The following CRB1 variants were observed in gnomAD, a reference collection of about 807,000 sequenced individuals.
CRB1 encodes the protein protein crumbs homolog 1.
Under a neutral mutation model 120.0 loss-of-function variants are expected in CRB1, and 83 were observed. The ratio of observed to expected loss-of-function variants is 0.69; its 90% CI spans 0.58 to 0.83. CRB1 has a LOEUF of 0.83. Among genes scored for constraint, CRB1 ranks in the 40% least tolerant of loss-of-function variants. The probability of loss-of-function intolerance (pLI) is 0.00; values close to 1 mark genes in which losing one functional copy is unlikely to be tolerated. For missense variants in CRB1, 1,699 were observed against 1,687.6 expected, an observed-to-expected ratio of 1.01 and a Z score of -0.12; for synonymous variants, 625 against 612.5, an observed-to-expected ratio of 1.02 and a Z score of -0.30.
At chr1:197,223,018 C>T in the CRB1 span, 1 of 790,262 alleles carries the variant, frequency 1.3e-6, no homozygotes, top group Non-Finnish European at 2.3e-6. Context: ...AGTCATTTGA[C>T]ACCTCCCTTA....
chr1:197,274,545 G>A (rs145552949), intron 1 of CRB1, among the ~76,000 whole-genome samples: 1 of 152,116 alleles, frequency 6.6e-6, no homozygotes, highest in Non-Finnish European at 1.5e-5. Context: ...CACCATTAAA[G>A]TATTATGCAG....
chr1:197,446,533 G>A (rs1029837724), intron 11 of CRB1, among the ~76,000 whole-genome samples: 3 of 152,278 alleles, frequency 2.0e-5, no homozygotes, highest in Middle Eastern at 6.8e-3. Context: ...CATCATAAGA[G>A]AAATGGAGAA....
chr1:197,353,111 A>G (rs1418018835), intron 4 of CRB1, among the ~76,000 whole-genome samples: 2 of 152,242 alleles, frequency 1.3e-5, no homozygotes, highest in Non-Finnish European at 2.9e-5. Context: ...TAAAATTACA[A>G]TGAGAGCAAT....
At chr1:197,299,256 A>G (rs1558037995) in intron 1 of CRB1, among the ~76,000 whole-genome samples, 1 of 152,184 alleles carries the variant, frequency 6.6e-6, no homozygotes, top group African/African-American at 2.4e-5. Context: ...AATGCAGTCC[A>G]TCTCACTAGT....
At chr1:197,351,647 T>A (rs1203930751) in intron 4 of CRB1, among the ~76,000 whole-genome samples, 2 of 152,090 alleles carry the variant, frequency 1.3e-5, no homozygotes, top group Non-Finnish European at 2.9e-5. Context: ...GGCAGGGAAA[T>A]CTAGTGAGTA....
At chr1:197,295,032 G>T (rs1413975284) in intron 1 of CRB1, among the ~76,000 whole-genome samples, 2 of 152,066 alleles carry the variant, frequency 1.3e-5, no homozygotes, top group East Asian at 3.9e-4. Context: ...TTGTGCACAT[G>T]TACCCTAGAA....
At chr1:197,405,805 T>C (rs1312662708) in intron 5 of CRB1, among the ~76,000 whole-genome samples, 1 of 147,956 alleles carries the variant, frequency 6.8e-6, no homozygotes, top group Non-Finnish European at 1.5e-5. Context: ...GCCCGGTAGC[T>C]GCCCCGTCTG....
chr1:197,314,859 A>G (rs1558047859), intron 1 of CRB1, among the ~76,000 whole-genome samples: 1 of 152,158 alleles, frequency 6.6e-6, no homozygotes. Flanking sequence ...TCAATCTCTC[A>G]GCAGATGATA....
chr1:197,337,271 T>TA lies in CRB1; in HGVS notation c.653-7009dup, dbSNP rs373156829. On this transcript the variant is annotated intron_variant, in intron 2 of 11. Transcript: ENST00000367400. ...TCTGACATGTGACTGCTATTTCTCCTAGTGCCTACCTAGTTATCAGCAGGG... is the reference window on the plus strand; with the variant it reads ...TCTGACATGTGACTGCTATTTCTCCTAAGTGCCTACCTAGTTATCAGCAGGG... Among the ~76,000 whole-genome samples the TA allele has an allele frequency of 6.1e-4, 93 of 152,322 alleles. No homozygotes were observed. The East Asian group carries it at 0.017, about 28-fold the overall frequency.
At chr1:197,244,301 A>C in the CRB1 span, among the ~76,000 whole-genome samples, 1 of 152,118 alleles carries the variant, frequency 6.6e-6, no homozygotes, top group African/African-American at 2.4e-5. Flanking sequence ...ATGTTTTTGC[A>C]GTGGCTGGTA....
chr1:197,329,122 G>A (rs1287205803), intron 2 of CRB1, 119 bp downstream of exon 2: 4 of 874,892 alleles, frequency 4.6e-6, no homozygotes, highest in Admixed American at 2.0e-5. Context: ...GTTCTTGACA[G>A]GAATCAATCA....
chr1:197,278,127 G>A (rs1477982729), intron 1 of CRB1, among the ~76,000 whole-genome samples: 1 of 151,854 alleles, frequency 6.6e-6, no homozygotes, highest in Non-Finnish European at 1.5e-5. Flanking sequence ...TATGTATATT[G>A]AAGCCCTAAT....
At chr1:197,477,498 T>A in intron 11 of CRB1, 166 bp from the exon 12 acceptor site, 1 of 719,462 alleles carries the variant, frequency 1.4e-6, no homozygotes, top group Non-Finnish European at 2.6e-6. Flanking sequence ...TGTAAATGAT[T>A]TGAGAATAAG....
chr1:197,274,038 T>A (rs1655052846), intron 1 of CRB1, among the ~76,000 whole-genome samples: 1 of 152,024 alleles, frequency 6.6e-6, no homozygotes, highest in Non-Finnish European at 1.5e-5. Context: ...TTTCTATAGA[T>A]ATCTCTATAT....
Position 197,390,690 on chromosome 1 carries a change from C to A in CRB1, c.1172-30310C>A, listed in dbSNP as rs568014680. ...ATTTTAAACCAGAGTAAATATAATACAAAAAAATTTTAAAGACGTGAATTT... is the reference window on the plus strand; with the variant it reads ...ATTTTAAACCAGAGTAAATATAATAAAAAAAAATTTTAAAGACGTGAATTT... On this transcript the variant is annotated intron_variant, in intron 5 of 11. Transcript: ENST00000367400. Among the ~76,000 whole-genome samples, 54 of 151,994 alleles carry A rather than the reference C, an allele frequency of 3.6e-4. No homozygotes were observed. The South Asian group carries it at 3.7e-3, about 11-fold the overall frequency.
the CRB1 span, among the ~76,000 whole-genome samples, chr1:197,219,951 T>A: frequency 6.6e-6 from 1 of 152,226 alleles, no homozygotes; most frequent in Non-Finnish European, 1.5e-5. Context: ...TTAGGGAAGC[T>A]TTTGCTAACT....
At chr1:197,426,303 T>G (rs1664579055) in intron 6 of CRB1, among the ~76,000 whole-genome samples, 1 of 152,104 alleles carries the variant, frequency 6.6e-6, no homozygotes, top group Non-Finnish European at 1.5e-5. Flanking sequence ...AGTATAACTT[T>G]GGGCTTTTGC....
At chr1:197,290,140 A>G (rs1249494889) in intron 1 of CRB1, among the ~76,000 whole-genome samples, 1 of 151,656 alleles carries the variant, frequency 6.6e-6, no homozygotes, top group Non-Finnish European at 1.5e-5. Flanking sequence ...CATTTGTTGT[A>G]TTTATCCTAT....
At chr1:197,459,621 C>T (rs987433303) in intron 11 of CRB1, among the ~76,000 whole-genome samples, 28 of 152,070 alleles carry the variant, frequency 1.8e-4, no homozygotes, top group African/African-American at 5.8e-4. Flanking sequence ...TCTTCTAATA[C>T]GGTGACATTG....
Sources: gnomAD v4.1 joint callset for allele counts (sites outside exome capture counted in the v4.1 genomes callset) on GRCh38, gnomAD v4.1.1 for gene constraint, MANE v1.5 for transcripts, NCBI Gene and HGNC (gene_info 2026-07-23, HGNC 2026-07-21) for gene names.